CEP57L1: variants seen among roughly 807,000 people sequenced by gnomAD.
CEP57L1 encodes the protein centrosomal protein CEP57L1.
In CEP57L1, 37 loss-of-function variants were observed where a neutral mutation model predicts 61.0. The ratio of observed to expected loss-of-function variants is 0.61; its 90% CI spans 0.47 to 0.80. The LOEUF (loss-of-function observed/expected upper bound fraction) is 0.80. Among genes scored for constraint, CEP57L1 ranks in the 30% least tolerant of loss-of-function variants. The pLI, the probability that CEP57L1 is intolerant of heterozygous loss-of-function variation, is 0.00. For synonymous variants in CEP57L1, 137 were observed against 162.3 expected (o/e 0.84, Z 1.19); for missense variants, 422 against 524.7 (o/e 0.80, Z 1.91).
intron 1 of CEP57L1, among the ~76,000 whole-genome samples, chr6:109,120,163 T>C (rs1772786633): frequency 6.6e-6 from 1 of 152,204 alleles, no homozygotes; most frequent in African/African-American, 2.4e-5. Context: ...AGAAACCTAC[T>C]GCAGATCACA....
chr6:109,102,354 T>C (rs1770411101), intron 1 of CEP57L1, among the ~76,000 whole-genome samples: 1 of 152,172 alleles, frequency 6.6e-6, no homozygotes, highest in Non-Finnish European at 1.5e-5. Flanking sequence ...ACCTCCACGC[T>C]CAGCTTACTA....
intron 1 of CEP57L1, among the ~76,000 whole-genome samples, chr6:109,116,127 GTGTTATGTTATGTTA>G (rs34528428): frequency 0.041 from 5,541 of 135,328 alleles, 152 homozygotes; most frequent in Middle Eastern, 0.077. Flanking sequence ...GTTATGTGTT[GTGTTATGTTATGTTA>G]TGTTATGTTA....
chr6:109,122,039 G>T (rs928802105), intron 1 of CEP57L1, among the ~76,000 whole-genome samples: 25 of 152,178 alleles, frequency 1.6e-4, no homozygotes, highest in Non-Finnish European at 2.9e-5. Flanking sequence ...AAATGTCTAA[G>T]ATAAGGAAAT....
intron 1 of CEP57L1, among the ~76,000 whole-genome samples, chr6:109,115,411 T>G (rs183447035): frequency 6.8e-4 from 103 of 152,270 alleles, no homozygotes; most frequent in Admixed American, 6.6e-3. Context: ...CAAATTAGAT[T>G]ACGCTCAGCC....
At chr6:109,105,805 C>G (rs989056039) in intron 1 of CEP57L1, among the ~76,000 whole-genome samples, 1 of 152,112 alleles carries the variant, frequency 6.6e-6, no homozygotes, top group Non-Finnish European at 1.5e-5. Context: ...AAGAACGAGA[C>G]CACACAGCAG....
chr6:109,101,616 CTTTTTTCTTTTTT>C (rs1782415373), intron 1 of CEP57L1, among the ~76,000 whole-genome samples: 1 of 126,554 alleles, frequency 7.9e-6, no homozygotes, highest in African/African-American at 2.8e-5. Context: ...TTTTCTTTTT[CTTTTTTCTTTTTT>C]TTTTTTTTTG....
intron 3 of CEP57L1, among the ~76,000 whole-genome samples, chr6:109,148,481 G>T (rs1354233813): frequency 6.6e-6 from 1 of 152,128 alleles, no homozygotes; most frequent in African/African-American, 2.4e-5. Flanking sequence ...GTATTCCATG[G>T]TGTATATGTG....
chr6:109,107,263 T>G (rs551964585), intron 1 of CEP57L1, among the ~76,000 whole-genome samples: 30 of 149,304 alleles, frequency 2.0e-4, no homozygotes, highest in Non-Finnish European at 3.9e-4. Context: ...GAATTTTCTC[T>G]CTGTTTTTAG....
chr6:109,116,134 G>T (rs1180360480), intron 1 of CEP57L1, among the ~76,000 whole-genome samples: 106 of 101,726 alleles, frequency 1.0e-3, no homozygotes, highest in African/African-American at 4.4e-3. Flanking sequence ...GTTGTGTTAT[G>T]TTATGTTATG....
intron 1 of CEP57L1, among the ~76,000 whole-genome samples, chr6:109,104,391 C>A (rs1770671414): frequency 6.6e-6 from 1 of 152,086 alleles, no homozygotes; most frequent in Non-Finnish European, 1.5e-5. Context: ...GTGCCATTTT[C>A]TCTAGGGTTC....
At chr6:109,126,482 A>G (rs1362098415) in intron 1 of CEP57L1, among the ~76,000 whole-genome samples, 1 of 152,154 alleles carries the variant, frequency 6.6e-6, no homozygotes, top group Non-Finnish European at 1.5e-5. Context: ...TGTTATTTGT[A>G]TCTATCTTTG....
At chr6:109,130,767 CA>C (rs1318040553) in intron 1 of CEP57L1, 1 of 151,440 alleles carries the variant, frequency 6.6e-6, no homozygotes, top group Non-Finnish European at 1.5e-5. Flanking sequence ...CAGAATACTG[CA>C]TAGGTGATGT....
intron 1 of CEP57L1, chr6:109,140,514 C>T (rs1480149878): frequency 6.6e-6 from 1 of 151,540 alleles, no homozygotes; most frequent in Non-Finnish European, 1.5e-5. Flanking sequence ...ATTCTCCTGC[C>T]TCAGCCACCC....
intron 1 of CEP57L1, among the ~76,000 whole-genome samples, chr6:109,123,657 A>T (rs575381516): frequency 6.6e-6 from 1 of 152,152 alleles, no homozygotes; most frequent in African/African-American, 2.4e-5. Flanking sequence ...ACTTTATTTC[A>T]TTCTTCCCTG....
intron 10 of CEP57L1, among the ~76,000 whole-genome samples, chr6:109,161,606 A>C (rs1003486218): frequency 6.6e-6 from 1 of 152,186 alleles, no homozygotes; most frequent in African/African-American, 2.4e-5. Context: ...GAAATTTTTA[A>C]AACAAATATT....
intron 4 of CEP57L1, 32 bp downstream of exon 4, chr6:109,150,271 T>C (rs375629813): frequency 2.1e-4 from 336 of 1,577,970 alleles, no homozygotes; most frequent in Non-Finnish European, 2.7e-4. Context: ...AATGATAATA[T>C]AATTTTGTAT....
At chr6:109,120,611 G>C (rs536027724) in intron 1 of CEP57L1, among the ~76,000 whole-genome samples, 46 of 151,762 alleles carry the variant, frequency 3.0e-4, no homozygotes, top group African/African-American at 1.1e-3. Flanking sequence ...GTTAACGGGG[G>C]TTCTGTGTAA....
rs1224508453 is a variant in CEP57L1, at chr6:109,144,401, A to G, written c.-3-818A>G. ...TTGCTTAAAATTCTTCCAGTGAGTTATTTTTTTGTAAGCAGTTATCACCTT... is the reference window on the plus strand; with the variant it reads ...TTGCTTAAAATTCTTCCAGTGAGTTGTTTTTTTGTAAGCAGTTATCACCTT... On this transcript the variant is annotated intron_variant, in intron 1 of 10. Transcript: ENST00000517392. Among the ~76,000 whole-genome samples, 4 of 152,132 alleles carry G rather than the reference A, an allele frequency of 2.6e-5. No individual in the cohort carries two copies. In the East Asian group the frequency reaches 7.7e-4, roughly 29 times the overall value.
Position 109,173,593 on chromosome 6 carries a change from T to TAA in CEP57L1, c.*10637_*10638dup, listed in dbSNP as rs75064977. On this transcript the variant is annotated 3_prime_UTR_variant, in exon 11 of 11. Coordinates refer to ENST00000517392, the MANE Select transcript of CEP57L1 (RefSeq NM_001271852.3). ...GTGCATGCCACCACACCTGGCTAAT[T>TAA]AAAAAAAAAAAAAAATTTTTTTTTT... 2.1e-5 allele frequency among the ~76,000 whole-genome samples: 3 copies of TAA among 141,610 alleles called. No homozygotes were observed. Among genetic ancestry groups the TAA allele is most frequent in the East Asian group, 4.1e-4 (2 of 4,862 alleles). 92.9% of individuals were successfully genotyped at this position (141,610 alleles called of 152,430 possible).
Sources: allele counts gnomAD v4.1 joint callset (sites outside exome capture counted in the v4.1 genomes callset), GRCh38; gene constraint gnomAD v4.1.1; transcripts MANE v1.5; gene names NCBI Gene and HGNC (gene_info 2026-07-23, HGNC 2026-07-21).